The following EPHA4 variants were observed in gnomAD, a reference collection of about 807,000 sequenced individuals.
EPHA4 encodes EPH receptor A4.
EPHA4 carries 19 observed loss-of-function variants against 108.3 expected under a neutral mutation model. That is an observed-to-expected ratio of 0.18 (90% confidence interval 0.12 to 0.26). EPHA4 has a LOEUF of 0.26. EPHA4 is among the 10% of genes least tolerant of loss of function. The pLI, the probability that EPHA4 is intolerant of heterozygous loss-of-function variation, is 1.00. For synonymous variants in EPHA4, 449 were observed against 455.5 expected, an observed-to-expected ratio of 0.99 and a Z score of 0.18; for missense variants, 917 against 1,254.0, an observed-to-expected ratio of 0.73 and a Z score of 4.06.
chr2:221,532,943 T>C (rs932679791), intron 3 of EPHA4: 10 of 152,260 alleles, frequency 6.6e-5, no homozygotes, highest in Middle Eastern at 3.2e-3. Flanking sequence ...AAGACTGCAA[T>C]TGGCAGACTT....
rs373031865 is a variant in EPHA4 at position 221,478,033 on chromosome 2, G to A, written c.1318+4319C>T. Among the ~76,000 whole-genome samples the A allele has an allele frequency of 4.5e-4, 68 of 152,012 alleles. 3 individuals carry two copies. Among genetic ancestry groups the A allele is most frequent in the Admixed American group, 1.9e-3 (29 of 15,256 alleles). On this transcript the variant is annotated intron_variant, in intron 5 of 17. Coordinates refer to ENST00000281821, the MANE Select transcript of EPHA4 (RefSeq NM_004438.5). Reference sequence around the variant, plus strand: ...GTAAAAATAAAAAATGGACAACACCGGCCCTGGGTGCAATTTGGGGTGAGG... The same window carrying A: ...GTAAAAATAAAAAATGGACAACACCAGCCCTGGGTGCAATTTGGGGTGAGG...
intron 3 of EPHA4, among the ~76,000 whole-genome samples, chr2:221,518,608 A>G (rs1312093257): frequency 6.6e-6 from 1 of 152,220 alleles, no homozygotes; most frequent in Non-Finnish European, 1.5e-5. Context: ...AGACACAGAA[A>G]GCAACTCAGA....
intron 15 of EPHA4, among the ~76,000 whole-genome samples, chr2:221,429,621 CCTA>C (rs1690012470): frequency 6.6e-6 from 1 of 152,120 alleles, no homozygotes; most frequent in Non-Finnish European, 1.5e-5. Flanking sequence ...AAATATAGCA[CCTA>C]CTGATCTGAA....
rs1689881328 is a variant in EPHA4, at chr2:221,425,806, A to C, written c.*222T>G. 1 of 533,920 alleles carries C rather than the reference A, an allele frequency of 1.9e-6. No homozygotes were observed. Among genetic ancestry groups the C allele is most frequent in the African/African-American group, 1.9e-5 (1 of 52,356 alleles). The allele number at this position is 533,920 out of a possible 1,614,324, so 33.1% of individuals were successfully genotyped here. On this transcript the variant is annotated 3_prime_UTR_variant, in exon 17 of 18. Coordinates refer to ENST00000281821, the MANE Select transcript of EPHA4 (RefSeq NM_004438.5). ...TGATGAACAGAAAAGTACTTCTGAG[A>C]AACGATTTGTTCCAGGTCTCATTCA...
At chr2:221,509,751 CA>C (rs1243898801) in intron 3 of EPHA4, among the ~76,000 whole-genome samples, 1 of 151,946 alleles carries the variant, frequency 6.6e-6, no homozygotes, top group Non-Finnish European at 1.5e-5. Context: ...ATGACAAAAG[CA>C]AAAAATAAAC....
At position 221,568,702 on chromosome 2, in the gene EPHA4, G is replaced by T. The variant is rs768884864; in HGVS notation, c.159+16C>A. On this transcript the variant is annotated intron_variant, in intron 2 of 17. Coordinates refer to ENST00000281821, the MANE Select transcript of EPHA4 (RefSeq NM_004438.5). ...CCTTTTTTACCCTTTGGATCAGAGA[G>T]CAACTCAGGACTTACCCCTCCTTCC... 1 of 1,607,422 alleles carries T rather than the reference G, an allele frequency of 6.2e-7. No individual in the cohort carries two copies. The highest frequency in any genetic ancestry group is 1.1e-5 in the South Asian group (1 of 89,794).
At chr2:221,472,130 T>C (rs894410305) in intron 5 of EPHA4, among the ~76,000 whole-genome samples, 1 of 152,086 alleles carries the variant, frequency 6.6e-6, no homozygotes, top group African/African-American at 2.4e-5. Context: ...AAAAGAAGTC[T>C]TTAATTACAC....
chr2:221,480,968 C>T lies in EPHA4; in HGVS notation c.1318+1384G>A, dbSNP rs904868912. On this transcript the variant is annotated intron_variant, in intron 5 of 17. Transcript: ENST00000281821. ...TTTAAAAGAAAAGTGCAGTTAGAGGCGATAGGATTGTTGGCAATTTATAAT... is the reference window on the plus strand; with the variant it reads ...TTTAAAAGAAAAGTGCAGTTAGAGGTGATAGGATTGTTGGCAATTTATAAT... Among the ~76,000 whole-genome samples, 5 of 152,116 alleles carry T rather than the reference C, an allele frequency of 3.3e-5. 1 individual carries two copies. The highest frequency in any genetic ancestry group is 4.1e-4 in the South Asian group (2 of 4,824).
At chr2:221,503,511 A>T (rs1692542020) in intron 3 of EPHA4, among the ~76,000 whole-genome samples, 1 of 152,228 alleles carries the variant, frequency 6.6e-6, no homozygotes, top group African/African-American at 2.4e-5. Flanking sequence ...ATATTATGTG[A>T]ATTTAAGAAA....
chr2:221,521,755 A>G (rs1406578042), intron 3 of EPHA4, among the ~76,000 whole-genome samples: 1 of 152,112 alleles, frequency 6.6e-6, no homozygotes, highest in Non-Finnish European at 1.5e-5. Context: ...CAGGCAGATC[A>G]CCTAAGATCA....
chr2:221,486,758 A>ATAATAG (rs1211949324), intron 4 of EPHA4, among the ~76,000 whole-genome samples: 16 of 147,916 alleles, frequency 1.1e-4, no homozygotes, highest in African/African-American at 3.9e-4. Flanking sequence ...AATAATAATA[A>ATAATAG]TAATAATAAT....
rs765638008 is a variant in EPHA4, at chr2:221,443,650, C to T, written c.1775-44G>A. ...AAGTTGGCTGAATACTTCTAAGGAA[C>T]CACTAATAAACATAAATAGTCTGGG... On this transcript the variant is annotated intron_variant, in intron 9 of 17. Coordinates refer to ENST00000281821, the MANE Select transcript of EPHA4 (RefSeq NM_004438.5). The T allele has an allele frequency of 2.1e-6, 3 of 1,399,926 alleles. No homozygotes were observed. The East Asian group carries it at 6.9e-5, about 32-fold the overall frequency. 86.7% of individuals were successfully genotyped at this position (1,399,926 alleles called of 1,614,324 possible). A position where few individuals can be genotyped will look rare whatever the true frequency, so the allele number is the denominator to read the frequency against.
At chr2:221,437,323 ATAGT>A (rs1464274138) in intron 11 of EPHA4, 1 of 485,652 alleles carries the variant, frequency 2.1e-6, no homozygotes, top group Non-Finnish European at 3.7e-6. Flanking sequence ...TTCCATCTGG[ATAGT>A]TAAACCTTTG....
At chr2:221,543,013 A>G (rs1345556307) in intron 3 of EPHA4, among the ~76,000 whole-genome samples, 1 of 152,166 alleles carries the variant, frequency 6.6e-6, no homozygotes, top group African/African-American at 2.4e-5. Context: ...ATGATCCTAT[A>G]TGTATGCTCT....
chr2:221,507,413 T>C (rs1265292050), intron 3 of EPHA4, among the ~76,000 whole-genome samples: 1 of 152,230 alleles, frequency 6.6e-6, no homozygotes, highest in African/African-American at 2.4e-5. Context: ...TCCTATACCA[T>C]TGTGGGGACA....
chr2:221,449,855 A>G (rs1018761050), intron 8 of EPHA4, among the ~76,000 whole-genome samples: 1 of 152,242 alleles, frequency 6.6e-6, no homozygotes, highest in African/African-American at 2.4e-5. Flanking sequence ...GCTAAAGTGC[A>G]TATTAAAAAT....
Position 221,536,124 on chromosome 2 carries a change from A to G in EPHA4, c.823+27607T>C, listed in dbSNP as rs933407405. Among the ~76,000 whole-genome samples the G allele has an allele frequency of 7.2e-5, 11 of 152,312 alleles. No homozygotes were observed. In the East Asian group the frequency reaches 9.6e-4, roughly 13 times the overall value. On this transcript the variant is annotated intron_variant, in intron 3 of 17. Coordinates refer to ENST00000281821, the MANE Select transcript of EPHA4 (RefSeq NM_004438.5). Reference sequence around the variant, plus strand: ...AAAGATAGTCCTTCTTATCTTTGGCAAAAGAGCACTTTATCTTATCACTCA... The same window carrying G: ...AAAGATAGTCCTTCTTATCTTTGGCGAAAGAGCACTTTATCTTATCACTCA...
chr2:221,436,197 T>C (rs999951095), intron 13 of EPHA4, among the ~76,000 whole-genome samples: 1 of 152,158 alleles, frequency 6.6e-6, no homozygotes, highest in Non-Finnish European at 1.5e-5. Flanking sequence ...TGGCTGTTAA[T>C]ATGGTCATAC....
At chr2:221,455,516 G>C (rs1441160152) in intron 8 of EPHA4, 31 bp downstream of exon 8, 1 of 1,522,964 alleles carries the variant, frequency 6.6e-7, no homozygotes. Context: ...GGAAGGTCGG[G>C]GGCTGCACAG....
Sources: gnomAD v4.1 joint callset for allele counts (sites outside exome capture counted in the v4.1 genomes callset) on GRCh38, gnomAD v4.1.1 for gene constraint, MANE v1.5 for transcripts, NCBI Gene and HGNC (gene_info 2026-07-23, HGNC 2026-07-21) for gene names.